Variants in GRM8 observed in about 807,000 individuals in gnomAD.
The protein encoded by GRM8 is glutamate metabotropic receptor 8.
In GRM8, 47 loss-of-function variants were observed where a neutral mutation model predicts 87.2. The ratio of observed to expected loss-of-function variants is 0.54; its 90% CI spans 0.43 to 0.69. The LOEUF (loss-of-function observed/expected upper bound fraction) is 0.69. Among genes scored for constraint, GRM8 ranks in the 30% least tolerant of loss-of-function variants. The pLI, the probability that GRM8 is intolerant of heterozygous loss-of-function variation, is 0.00. For missense variants in GRM8, 1,019 were observed against 1,139.2 expected (o/e 0.89, Z 1.52); for synonymous variants, 396 against 404.5 (o/e 0.98, Z 0.25).
chr7:126,637,029 C>T (rs1224685481), intron 7 of GRM8, among the ~76,000 whole-genome samples: 1 of 151,916 alleles, frequency 6.6e-6, no homozygotes, highest in Non-Finnish European at 1.5e-5. Context: ...CAAATTATCT[C>T]ATTGGAGAGG....
intron 7 of GRM8, among the ~76,000 whole-genome samples, chr7:126,765,964 A>G (rs1408580843): frequency 1.3e-5 from 2 of 152,094 alleles, no homozygotes; most frequent in African/African-American, 4.8e-5. Context: ...ATTGTAGCTT[A>G]TGTCTTTGAT....
intron 3 of GRM8, among the ~76,000 whole-genome samples, chr7:126,996,416 G>C (rs1813179161): frequency 6.6e-6 from 1 of 151,618 alleles, no homozygotes; most frequent in South Asian, 2.1e-4. Context: ...AGTACAACAA[G>C]ACAAAGAAAA....
intron 8 of GRM8, among the ~76,000 whole-genome samples, chr7:126,549,510 C>T (rs1053588645): frequency 5.3e-5 from 8 of 151,972 alleles, no homozygotes; most frequent in East Asian, 1.9e-4. Context: ...GCACTTTTGA[C>T]GTGACTTACT....
intron 8 of GRM8, among the ~76,000 whole-genome samples, chr7:126,599,863 C>G (rs1797565536): frequency 6.6e-6 from 1 of 152,086 alleles, no homozygotes; most frequent in African/African-American, 2.4e-5. Context: ...ATGGATGACA[C>G]AATGAACTGA....
intron 7 of GRM8, among the ~76,000 whole-genome samples, chr7:126,625,887 C>G (rs901963844): frequency 1.3e-5 from 2 of 151,988 alleles, no homozygotes; most frequent in Non-Finnish European, 2.9e-5. Flanking sequence ...TGAGAACAAA[C>G]CAAAATACGT....
At chr7:127,068,261 A>C (rs1269479282) in intron 3 of GRM8, among the ~76,000 whole-genome samples, 3 of 152,194 alleles carry the variant, frequency 2.0e-5, no homozygotes, top group African/African-American at 7.2e-5. Context: ...TGTAGCCAGC[A>C]TTCCAAATTC....
chr7:127,153,755 C>T (rs1293026301), intron 2 of GRM8, among the ~76,000 whole-genome samples: 1 of 152,118 alleles, frequency 6.6e-6, no homozygotes, highest in African/African-American at 2.4e-5. Context: ...AAGGTAGATG[C>T]TCATATTTGA....
intron 8 of GRM8, among the ~76,000 whole-genome samples, chr7:126,595,308 G>A (rs922341337): frequency 1.3e-5 from 2 of 151,506 alleles, no homozygotes; most frequent in Non-Finnish European, 2.9e-5. Context: ...CGCAGTTCAC[G>A]GCAACCTCCC....
chr7:127,046,470 T>G (rs1309958099), intron 3 of GRM8, among the ~76,000 whole-genome samples: 5 of 152,230 alleles, frequency 3.3e-5, no homozygotes, highest in Middle Eastern at 3.2e-3. Context: ...TACTAGCAAA[T>G]GTCACTGTGG....
intron 2 of GRM8, among the ~76,000 whole-genome samples, chr7:127,216,449 C>T (rs574094861): frequency 7.7e-4 from 105 of 136,430 alleles, no homozygotes; most frequent in African/African-American, 2.8e-3. Flanking sequence ...ACCCAGCAGG[C>T]GGAGGTTGCA....
chr7:127,174,107 C>T (rs533200582), intron 2 of GRM8, among the ~76,000 whole-genome samples: 1 of 152,142 alleles, frequency 6.6e-6, no homozygotes, highest in Non-Finnish European at 1.5e-5. Context: ...AGATATTCAT[C>T]ATACATACAT....
chr7:126,511,040 T>C (rs538721259), intron 9 of GRM8: 2 of 152,234 alleles, frequency 1.3e-5, no homozygotes, highest in Non-Finnish European at 2.9e-5. Flanking sequence ...CATCTGAAGA[T>C]ATTCTTACAA....
At position 126,589,095 on chromosome 7, in the gene GRM8, A is replaced by G. The variant is rs575179837; in HGVS notation, c.1494+20267T>C. ...CAAGCTGAACTTTGTAACAATTCCAACCAAACATGCAAAATTTCTTGGACA... is the reference window on the plus strand; with the variant it reads ...CAAGCTGAACTTTGTAACAATTCCAGCCAAACATGCAAAATTTCTTGGACA... On this transcript the variant is annotated intron_variant, in intron 8 of 10. Transcript: ENST00000339582. Among the ~76,000 whole-genome samples, 7 of 152,342 alleles carry G rather than the reference A, an allele frequency of 4.6e-5. No individual in the cohort carries two copies. The South Asian group carries it at 1.4e-3, about 32-fold the overall frequency.
At chr7:126,978,696 A>T (rs1160706553) in intron 3 of GRM8, among the ~76,000 whole-genome samples, 2 of 152,190 alleles carry the variant, frequency 1.3e-5, no homozygotes, top group African/African-American at 4.8e-5. Flanking sequence ...GCAGGATTAG[A>T]TGATCTTTGA....
chr7:126,576,520 C>T (rs923648904), intron 8 of GRM8, among the ~76,000 whole-genome samples: 2 of 152,002 alleles, frequency 1.3e-5, no homozygotes, highest in Admixed American at 1.3e-4. Flanking sequence ...TGAGGTGAAG[C>T]GATTCATCCA....
chr7:126,464,470 A>G (rs1314697870), intron 9 of GRM8, among the ~76,000 whole-genome samples: 1 of 151,606 alleles, frequency 6.6e-6, no homozygotes, highest in East Asian at 1.9e-4. Context: ...TTTACATTCA[A>G]TGTTACTTTA....
chr7:127,110,615 T>C (rs1429160321), intron 2 of GRM8, among the ~76,000 whole-genome samples: 1 of 149,802 alleles, frequency 6.7e-6, no homozygotes, highest in Non-Finnish European at 1.5e-5. Context: ...ATCCTCTTTT[T>C]TTAAAAAAAA....
chr7:127,039,645 GGGAAGGGCA>G (rs1818166698), intron 3 of GRM8, among the ~76,000 whole-genome samples: 1 of 118,508 alleles, frequency 8.4e-6, no homozygotes, highest in Admixed American at 8.3e-5. Context: ...GAAGGGGAAG[GGGAAGGGCA>G]AGAGAGGGGA....
At chr7:127,167,007 A>C (rs1341641697) in intron 2 of GRM8, among the ~76,000 whole-genome samples, 1 of 152,162 alleles carries the variant, frequency 6.6e-6, no homozygotes, top group Non-Finnish European at 1.5e-5. Context: ...GAGTTGAATT[A>C]AATTGAAAGT....
Sources: gnomAD v4.1 joint callset for allele counts (sites outside exome capture counted in the v4.1 genomes callset) on GRCh38, gnomAD v4.1.1 for gene constraint, MANE v1.5 for transcripts, NCBI Gene and HGNC (gene_info 2026-07-23, HGNC 2026-07-21) for gene names.